SYNE2: variants seen among roughly 807,000 people sequenced by gnomAD.
SYNE2 encodes nesprin-2.
Under a neutral mutation model 856.3 loss-of-function variants are expected in SYNE2, and 431 were observed. The ratio of observed to expected loss-of-function variants is 0.50; its 90% CI spans 0.47 to 0.55. SYNE2 has a LOEUF of 0.55. Ranked by LOEUF, SYNE2 falls within the 20% of genes least tolerant of loss-of-function variation. The pLI is 0.00. For missense variants in SYNE2, 8,129 were observed against 8,023.2 expected (o/e 1.01, Z -0.50); for synonymous variants, 2,923 against 2,872.3 (o/e 1.02, Z -0.56).
chr14:63,962,470 A>G (rs544435105), intron 9 of SYNE2, among the ~76,000 whole-genome samples: 99 of 152,316 alleles, frequency 6.5e-4, no homozygotes, highest in African/African-American at 2.3e-3. Flanking sequence ...TATTTACATG[A>G]TCAGGCAACC....
intron 17 of SYNE2, 26 bp from the exon 18 acceptor site, chr14:63,983,711 A>T: frequency 6.3e-7 from 1 of 1,583,044 alleles, no homozygotes; most frequent in Non-Finnish European, 8.7e-7. Context: ...TATGAGTATT[A>T]CATTTCATGA....
intron 1 of SYNE2, among the ~76,000 whole-genome samples, chr14:63,876,488 A>G (rs1024935917): frequency 4.1e-5 from 5 of 122,046 alleles, no homozygotes; most frequent in African/African-American, 1.2e-4. Context: ...ACAAGCAAAT[A>G]TGTTCCTTTT....
chr14:64,046,859 C>T (rs2097189909), intron 45 of SYNE2, among the ~76,000 whole-genome samples: 1 of 152,196 alleles, frequency 6.6e-6, no homozygotes, highest in Non-Finnish European at 1.5e-5. Context: ...GGCATGTCAC[C>T]TTGAGGGGAA....
intron 6 of SYNE2, among the ~76,000 whole-genome samples, chr14:63,948,166 T>G (rs58679276): frequency 7.7e-4 from 114 of 147,358 alleles, no homozygotes; most frequent in African/African-American, 2.7e-3. Flanking sequence ...GACACACACA[T>G]ACACACACAC....
At chr14:63,938,292 A>C (rs1250099196) in intron 2 of SYNE2, among the ~76,000 whole-genome samples, 3 of 152,124 alleles carry the variant, frequency 2.0e-5, no homozygotes, top group East Asian at 3.9e-4. Flanking sequence ...CCATCTCTAC[A>C]AAAAATTTAA....
At position 64,214,315 on chromosome 14, in the gene SYNE2, T is replaced by C; in HGVS notation, c.19178T>C (p.Leu6393Pro). The change falls in exon 106 of 116, where the codon CTG (leucine) becomes CCG (proline). Residue 6393 changes from leucine to proline, a missense_variant. Physicochemically the swap from Leu to Pro is moderately conservative, Grantham distance 98. This residue lies in a region of SYNE2 where 5,410 missense variants were observed against 5,284.8 expected (regional missense o/e 1.02). Coordinates refer to ENST00000555002, the MANE Select transcript of SYNE2 (RefSeq NM_182914.3). ...GAGGAACCGTCATCTCCTCAGTCCCTGTGTCATCTAGTGGCCCCAGGGCAC... is the reference window on the plus strand; with the variant it reads ...GAGGAACCGTCATCTCCTCAGTCCCCGTGTCATCTAGTGGCCCCAGGGCAC... ...ESEEPSSPQS[L>P]CHLVAPGHER... 6.2e-7 allele frequency: 1 copy of C among 1,614,070 alleles called. No homozygotes were observed. The highest frequency in any genetic ancestry group is 8.5e-7 in the Non-Finnish European group (1 of 1,179,988).
chr14:63,957,083 C>A (rs894588605), intron 8 of SYNE2, among the ~76,000 whole-genome samples: 3 of 151,608 alleles, frequency 2.0e-5, no homozygotes, highest in Admixed American at 2.0e-4. Context: ...TCTGCAAGGT[C>A]ATCCATGTTG....
At chr14:64,220,673 T>C (rs986742587) in intron 111 of SYNE2, 36 bp downstream of exon 111, 2 of 1,609,426 alleles carry the variant, frequency 1.2e-6, no homozygotes, top group African/African-American at 2.7e-5. Context: ...CCAGAGCCGG[T>C]ACCCAGGCCC....
intron 7 of SYNE2, among the ~76,000 whole-genome samples, chr14:63,951,723 A>T (rs1176532648): frequency 1.3e-5 from 2 of 152,204 alleles, no homozygotes; most frequent in African/African-American, 4.8e-5. Flanking sequence ...TCTCCTAGAG[A>T]TAATTTGTAC....
intron 28 of SYNE2, among the ~76,000 whole-genome samples, chr14:64,000,977 C>A (rs1314762240): frequency 6.6e-6 from 1 of 152,170 alleles, no homozygotes; most frequent in Non-Finnish European, 1.5e-5. Context: ...AGTTCAGAGG[C>A]CACACAGTCT....
At chr14:64,113,220 C>A in intron 65 of SYNE2, 121 bp from the exon 66 acceptor site, 1 of 1,550,176 alleles carries the variant, frequency 6.5e-7, no homozygotes, top group South Asian at 1.2e-5. Context: ...TCTTTTCTTT[C>A]TTCCTTCTTC....
At chr14:64,056,423 TA>T (rs1464314754) in intron 49 of SYNE2, among the ~76,000 whole-genome samples, 157 bp downstream of exon 49, 1 of 151,504 alleles carries the variant, frequency 6.6e-6, no homozygotes, top group Non-Finnish European at 1.5e-5. Flanking sequence ...TATGGTTAAG[TA>T]GAAAAAAATT....
Position 64,134,853 on chromosome 14 carries a change from G to A in SYNE2, c.14646+653G>A, listed in dbSNP as rs1029300780. On this transcript the variant is annotated intron_variant, in intron 78 of 115. Coordinates refer to ENST00000555002, the MANE Select transcript of SYNE2 (RefSeq NM_182914.3). Reference sequence around the variant, plus strand: ...AAAAAAAAAATTAGCTGGGCATGGCGGCATGTGCCTGTAATCCCAGTTACT... The same window carrying A: ...AAAAAAAAAATTAGCTGGGCATGGCAGCATGTGCCTGTAATCCCAGTTACT... Among the ~76,000 whole-genome samples, 4 of 152,010 alleles carry A rather than the reference G, an allele frequency of 2.6e-5. No homozygotes were observed. The South Asian group carries it at 6.2e-4, about 24-fold the overall frequency.
At chr14:63,801,041 C>A (rs1293270585) in intron 1 of SYNE2, among the ~76,000 whole-genome samples, 1 of 152,154 alleles carries the variant, frequency 6.6e-6, no homozygotes, top group Admixed American at 6.5e-5. Context: ...TATTCTTTTT[C>A]TTTCCCTGTT....
intron 1 of SYNE2, among the ~76,000 whole-genome samples, chr14:63,818,883 C>T (rs777251966): frequency 6.6e-6 from 1 of 151,350 alleles, no homozygotes; most frequent in Non-Finnish European, 1.5e-5. Flanking sequence ...TATTTTTAGT[C>T]GAGACTGGGT....
rs574834539 is a variant in SYNE2 at position 64,106,510 on chromosome 14, G to C, written c.12493-981G>C. The stretch of plus-strand genomic sequence containing the variant: ...TAAAAATACAAAAAATTAGCTGGGC[G>C]TGGTGGCGGGTGCCTGTAGTCCCAG... On this transcript the variant is annotated intron_variant, in intron 64 of 115. Coordinates refer to ENST00000555002, the MANE Select transcript of SYNE2 (RefSeq NM_182914.3). Among the ~76,000 whole-genome samples the C allele has an allele frequency of 2.7e-4, 41 of 152,212 alleles. 1 individual carries two copies. In the South Asian group the frequency reaches 8.3e-3, roughly 31 times the overall value.
Position 64,056,059 on chromosome 14 carries a change from G to C in SYNE2, c.9860G>C (p.Gly3287Ala). The C allele has an allele frequency of 1.9e-6, 3 of 1,614,190 alleles. No individual in the cohort carries two copies. The highest frequency in any genetic ancestry group is 1.7e-6 in the Non-Finnish European group (2 of 1,180,026). ...ATTATACCCTACAGAGTAGATGTTG[G>C]TAATCCAGAAGAATCTTTAGAGATG... ...AIIIPYRVDV[G>A]NPEESLEMPL... is the part of the protein sequence containing the mutation. The change falls in exon 49 of 116, where the codon GGT (glycine) becomes GCT (alanine). Residue 3287 changes from glycine to alanine, a missense_variant. By Grantham distance (60) the Gly-to-Ala change is moderately conservative. This residue lies in a region of SYNE2 where 5,410 missense variants were observed against 5,284.8 expected (regional missense o/e 1.02). Transcript: ENST00000555002.
At chr14:64,072,117 A>G (rs1182398695) in intron 52 of SYNE2, among the ~76,000 whole-genome samples, 2 of 152,176 alleles carry the variant, frequency 1.3e-5, no homozygotes, top group Non-Finnish European at 2.9e-5. Flanking sequence ...ACTTTTTTTT[A>G]ATTTTCATAA....
intron 53 of SYNE2, among the ~76,000 whole-genome samples, chr14:64,074,880 C>A (rs1222993038): frequency 4.7e-5 from 7 of 147,808 alleles, no homozygotes; most frequent in African/African-American, 5.0e-5. Flanking sequence ...GGCTCCATCT[C>A]AAAAAAAAAA....
Sources: gnomAD v4.1 joint callset for allele counts (sites outside exome capture counted in the v4.1 genomes callset) on GRCh38, gnomAD v4.1.1 for gene constraint, gnomAD v4.1.1 regional missense constraint, MANE v1.5 for transcripts, NCBI Gene and HGNC (gene_info 2026-07-23, HGNC 2026-07-21) for gene names.